The following BIN1 variants were observed in gnomAD, a reference collection of about 807,000 sequenced individuals.
The protein encoded by BIN1 is myc box-dependent-interacting protein 1.
BIN1 carries 53 observed loss-of-function variants against 82.0 expected under a neutral mutation model. The ratio of observed to expected loss-of-function variants is 0.65; its 90% confidence interval spans 0.52 to 0.81. BIN1 has a LOEUF of 0.81. Among genes scored for constraint, BIN1 ranks in the 40% least tolerant of loss-of-function variants. BIN1 has a pLI of 0.00. For missense variants in BIN1, 642 were observed against 784.4 expected (o/e 0.82, Z 2.17); for synonymous variants, 302 against 328.0 (o/e 0.92, Z 0.86).
intron 1 of BIN1, among the ~76,000 whole-genome samples, chr2:127,102,483 A>T (rs1046873514): frequency 1.3e-5 from 2 of 152,214 alleles, no homozygotes; most frequent in African/African-American, 4.8e-5. Context: ...GAGAGCTGGC[A>T]TCCTCAATGT....
Position 127,107,008 on chromosome 2 carries a change from T to TCCCAGCC in BIN1, c.-72_-66dup, listed in dbSNP as rs537118054. The TCCCAGCC allele has an allele frequency of 2.2e-4, 326 of 1,512,464 alleles. No homozygotes were observed. In the African/African-American group the frequency reaches 3.2e-3, roughly 15 times the overall value. 93.7% of individuals were successfully genotyped at this position (1,512,464 alleles called of 1,614,324 possible). On this transcript the variant is annotated 5_prime_UTR_variant, in exon 1 of 19. Transcript: ENST00000316724. This position sits in a 1 kb window ranked among gnomAD's most constrained non-coding sequence, Gnocchi z 5.9. Reference sequence around the variant, plus strand: ...CGCGGGGAGATCTTGCGCGCCGCGCTCCCAGCCCCCAGCCCCGGCCGCGCG... The same window carrying TCCCAGCC: ...CGCGGGGAGATCTTGCGCGCCGCGCTCCCAGCCCCCAGCCCCCAGCCCCGGCCGCGCG...
In BIN1 at chr2:127,068,054, C is replaced by G; in HGVS notation, c.612+109G>C. 4 of 1,171,112 alleles carry G rather than the reference C, an allele frequency of 3.4e-6. No individual in the cohort carries two copies. Among genetic ancestry groups the G allele is most frequent in the Admixed American group, 2.0e-5 (1 of 50,552 alleles). The allele number at this position is 1,171,112 out of a possible 1,614,324, so 72.5% of individuals were successfully genotyped here. On this transcript the variant is annotated intron_variant, in intron 7 of 18. Transcript: ENST00000316724. This position sits in a 1 kb window ranked among gnomAD's most constrained non-coding sequence, Gnocchi z 4.9. Reference sequence around the variant, plus strand: ...CTCCCAGCAGAGGCCTTTGAAAAACCCTGCCCCAGCTGGGCTCAGATGCCA... The same window carrying G: ...CTCCCAGCAGAGGCCTTTGAAAAACGCTGCCCCAGCTGGGCTCAGATGCCA...
At chr2:127,078,519 G>A (rs1453546921) in intron 1 of BIN1, among the ~76,000 whole-genome samples, 1 of 152,164 alleles carries the variant, frequency 6.6e-6, no homozygotes, top group East Asian at 1.9e-4. Flanking sequence ...CACAGAGGAT[G>A]GAGTGGGAAA....
intron 1 of BIN1, among the ~76,000 whole-genome samples, chr2:127,077,441 T>A (rs1440658590): frequency 6.6e-6 from 1 of 151,074 alleles, no homozygotes; most frequent in African/African-American, 2.4e-5. Flanking sequence ...CAGGGGGAGA[T>A]GAAGGATGGG....
In BIN1 at chr2:127,090,424, G is replaced by A. The variant is rs1029086987; in HGVS notation, c.85-13718C>T. On this transcript the variant is annotated intron_variant, in intron 1 of 18. Transcript: ENST00000316724. The surrounding 1 kb of genome is among the most constrained non-coding windows in gnomAD (Gnocchi z 6.4). ...GGCGACCCTCCACCACTTCAGTTGT[G>A]CTGGGTGGGGCTCGCTGAGGACAGC... Among the ~76,000 whole-genome samples the A allele has an allele frequency of 2.6e-5, 4 of 152,258 alleles. No individual in the cohort carries two copies. Among genetic ancestry groups the A allele is most frequent in the African/African-American group, 7.2e-5 (3 of 41,474 alleles).
At position 127,059,970 on chromosome 2, in the gene BIN1, C is replaced by T. The variant is rs880436; in HGVS notation, c.858-815G>A. 0.32 allele frequency among the ~76,000 whole-genome samples: 48,361 copies of T among 152,062 alleles called. 8,455 individuals are homozygous for T. The highest frequency in any genetic ancestry group is 0.49 in the South Asian group (2,337 of 4,804). ...TGCAAACTCAAAGCAATGAAATTTA[C>T]GTGTAATTCAAATGAAAAGTTCCGC... On this transcript the variant is annotated intron_variant, in intron 10 of 18. Transcript: ENST00000316724. The surrounding 1 kb of genome is among the most constrained non-coding windows in gnomAD (Gnocchi z 6.7).
At chr2:127,070,141 C>G (rs770313456) in intron 4 of BIN1, 51 bp from the exon 5 acceptor site, 1 of 1,488,426 alleles carries the variant, frequency 6.7e-7, no homozygotes, top group East Asian at 2.3e-5. Context: ...GGGCCACACC[C>G]GCCCCAGCGC....
Position 127,070,032 on chromosome 2 carries a change from G to A in BIN1, c.374C>T (p.Thr125Ile). Residue 125 changes from threonine to isoleucine, a missense_variant, in exon 5 of 19, where the codon ACC becomes ATC. Physicochemically the swap from Thr to Ile is moderately conservative, Grantham distance 89. Coordinates refer to ENST00000316724, the MANE Select transcript of BIN1 (RefSeq NM_139343.3). Reference sequence around the variant, plus strand: ...GAACTGGCCCAGGTACGTGTCCATGGTCAGCAGCGCCTGGTCCACCAGCTT... The same window carrying A: ...GAACTGGCCCAGGTACGTGTCCATGATCAGCAGCGCCTGGTCCACCAGCTT... ...HQKLVDQALL[T>I]MDTYLGQFPD... is the part of the protein sequence containing the mutation. The A allele has an allele frequency of 6.2e-7, 1 of 1,614,154 alleles. No individual in the cohort carries two copies. Among genetic ancestry groups the A allele is most frequent in the Non-Finnish European group, 8.5e-7 (1 of 1,180,018 alleles).
rs1330946461 is a variant in BIN1, at chr2:127,068,955, G to C, written c.488C>G (p.Ala163Gly). The change falls in exon 6 of 19, where the codon GCC becomes GGC. Residue 163 changes from alanine (A) to glycine (G), a missense_variant. Ala to Gly is a moderately conservative substitution (Grantham distance 60, BLOSUM62 0). Transcript: ENST00000316724. This position sits in a 1 kb window ranked among gnomAD's most constrained non-coding sequence, Gnocchi z 4.9. ...ARHHYESLQTAKKKDEAKIAK... is the reference protein window; with the variant it reads ...ARHHYESLQTGKKKDEAKIAK... ...AATTTTGGCTTCATCCTTCTTTTTG[G>C]CAGTTTGAAGGGACTCGTAGTGGTG... 4 of 1,614,138 alleles carry C rather than the reference G, an allele frequency of 2.5e-6. No homozygotes were observed. Among genetic ancestry groups the C allele is most frequent in the African/African-American group, 2.7e-5 (2 of 75,054 alleles).
intron 9 of BIN1, 49 bp downstream of exon 9, chr2:127,063,514 ACTCTGACC>A: frequency 1.3e-6 from 2 of 1,565,328 alleles, no homozygotes; most frequent in South Asian, 2.3e-5. Flanking sequence ...CACGACTCTG[ACTCTGACC>A]CTCGGCCAGG....
chr2:127,105,627 T>G (rs1680999466), intron 1 of BIN1, among the ~76,000 whole-genome samples: 1 of 152,164 alleles, frequency 6.6e-6, no homozygotes, highest in African/African-American at 2.4e-5. Context: ...AGTAGGACTC[T>G]GAGGGAGGTA....
At chr2:127,094,475 G>C (rs142987113) in intron 1 of BIN1, among the ~76,000 whole-genome samples, 1 of 152,296 alleles carries the variant, frequency 6.6e-6, no homozygotes, top group African/African-American at 2.4e-5. Flanking sequence ...AGATGAGGAG[G>C]GAGAGCAGGA....
At chr2:127,091,083 CG>C (rs1678863791) in intron 1 of BIN1, among the ~76,000 whole-genome samples, 2 of 152,164 alleles carry the variant, frequency 1.3e-5, no homozygotes, top group African/African-American at 4.8e-5. Flanking sequence ...ATGGTGCCTA[CG>C]GGAGGTATGT....
intron 1 of BIN1, 48 bp downstream of exon 1, chr2:127,106,812 T>G (rs1403911672): frequency 6.4e-7 from 1 of 1,556,442 alleles, no homozygotes; most frequent in Non-Finnish European, 8.7e-7. Flanking sequence ...TGGCCGGGGC[T>G]CCGCGGCGGC....
Position 127,050,494 on chromosome 2 carries a change from G to C in BIN1, c.1601C>G (p.Thr534Ser), listed in dbSNP as rs780816118. ...KVQAQHDYTATDTDELQLKAG... is the reference protein window; with the variant it reads ...KVQAQHDYTASDTDELQLKAG... ...CTTGAGCTGCAGCTCGTCTGTGTCA[G>C]TGGCCGTGTAGTCGTGCTGGGCCTG... The change falls in exon 18 of 19, where the codon ACT becomes AGT. Residue 534 changes from threonine to serine, a missense_variant. Transcript: ENST00000316724. 6 of 1,614,140 alleles carry C rather than the reference G, an allele frequency of 3.7e-6. No homozygotes were observed. The Admixed American group carries it at 8.3e-5, about 22-fold the overall frequency.
In BIN1 at chr2:127,050,517, C is replaced by G. The variant is rs771017384; in HGVS notation, c.1578G>C (p.Gln526His). ...CAGTGGCCGTGTAGTCGTGCTGGGC[C>G]TGTACCTGCAGAGGATGCGGATCGC... ...DLPPGFMFKV[Q>H]AQHDYTATDT... Residue 526 changes from glutamine to histidine, a missense_variant, in exon 18 of 19, where the codon CAG becomes CAC. Physicochemically the swap from Gln to His is conservative, Grantham distance 24 (BLOSUM62 0). Coordinates refer to ENST00000316724, the MANE Select transcript of BIN1 (RefSeq NM_139343.3). 1 of 1,614,254 alleles carries G rather than the reference C, an allele frequency of 6.2e-7. No individual in the cohort carries two copies. The highest frequency in any genetic ancestry group is 2.2e-5 in the East Asian group (1 of 44,886).
At chr2:127,074,419 C>G (rs1686329701) in intron 2 of BIN1, among the ~76,000 whole-genome samples, 1 of 152,224 alleles carries the variant, frequency 6.6e-6, no homozygotes, top group Admixed American at 6.5e-5. Context: ...AAACCTGAGC[C>G]CGGGGGCAGA....
At chr2:127,103,324 G>A (rs910734442) in intron 1 of BIN1, among the ~76,000 whole-genome samples, 1 of 152,168 alleles carries the variant, frequency 6.6e-6, no homozygotes, top group African/African-American at 2.4e-5. Context: ...CCTTGACCAC[G>A]CAGCTGAGCA....
intron 10 of BIN1, among the ~76,000 whole-genome samples, chr2:127,060,254 A>T (rs542396227): frequency 1.3e-5 from 2 of 152,130 alleles, no homozygotes; most frequent in Non-Finnish European, 2.9e-5. Context: ...AAAACAAAAA[A>T]CCCCACAGTG....
Sources: gnomAD v4.1 joint callset for allele counts (sites outside exome capture counted in the v4.1 genomes callset) on GRCh38, gnomAD v4.1.1 for gene constraint, Gnocchi (gnomAD v3.1) non-coding constraint, MANE v1.5 for transcripts, NCBI Gene and HGNC (gene_info 2026-07-23, HGNC 2026-07-21) for gene names.